The following CAPN8 variants were observed in gnomAD, a reference collection of about 807,000 sequenced individuals.
CAPN8 encodes calpain 8, also known as calpain-8.
In CAPN8, 87 loss-of-function variants were observed where a neutral mutation model predicts 80.9. The observed-to-expected ratio is 1.07, with a 90% confidence interval of 0.90 to 1.28. CAPN8 has a LOEUF of 1.28. Ranked by LOEUF, CAPN8 falls within the 50% of genes most tolerant of loss-of-function variation. The pLI is 0.00. For missense variants in CAPN8, 757 were observed against 702.0 expected (o/e 1.08, Z -0.89); for synonymous variants, 299 against 273.8 (o/e 1.09, Z -0.91).
chr1:223,609,528 CA>C (rs1656980938), intron 11 of CAPN8, among the ~76,000 whole-genome samples, 164 bp from the exon 12 acceptor site: 1 of 152,142 alleles, frequency 6.6e-6, no homozygotes, highest in African/African-American at 2.4e-5. Context: ...TGTCAATCAT[CA>C]AGTGTATTTT....
intron 10 of CAPN8, among the ~76,000 whole-genome samples, chr1:223,615,237 A>G (rs61825172): frequency 0.75 from 114,419 of 152,206 alleles, 43,975 homozygotes; most frequent in African/African-American, 0.92. Context: ...AATAAAATTG[A>G]TTTAAAAATG....
rs571307260 is a variant in CAPN8, at chr1:223,619,244, A to T, written c.1135+49T>A. On this transcript the variant is annotated intron_variant, in intron 9 of 20. Coordinates refer to ENST00000366872, the MANE Select transcript of CAPN8 (RefSeq NM_001143962.2). Reference sequence around the variant, plus strand: ...AAAATTACATAAAATGACCCAGCTCAGGGAGGATAAGCTGGAGGAGGTTGG... The same window carrying T: ...AAAATTACATAAAATGACCCAGCTCTGGGAGGATAAGCTGGAGGAGGTTGG... The T allele has an allele frequency of 1.6e-5, 24 of 1,545,166 alleles. 1 individual carries two copies. The South Asian group carries it at 2.8e-4, about 18-fold the overall frequency.
At chr1:223,619,250 G>A (rs1657301599) in intron 9 of CAPN8, 43 bp downstream of exon 9, 1 of 1,546,968 alleles carries the variant, frequency 6.5e-7, no homozygotes, top group South Asian at 1.2e-5. Flanking sequence ...GCTCAGGGAG[G>A]ATAAGCTGGA....
chr1:223,649,011 C>G (rs1014818750), intron 2 of CAPN8, among the ~76,000 whole-genome samples: 7 of 152,158 alleles, frequency 4.6e-5, no homozygotes, highest in Non-Finnish European at 8.8e-5. Flanking sequence ...TTGGATAAAC[C>G]TAGTAGCATG....
At chr1:223,622,951 CT>C in intron 6 of CAPN8, 51 bp from the exon 7 acceptor site, 1 of 1,426,724 alleles carries the variant, frequency 7.0e-7, no homozygotes, top group Non-Finnish European at 9.7e-7. Flanking sequence ...CTCCTGTTGC[CT>C]TGCAGGCATG....
chr1:223,648,585 G>A (rs963173209), intron 2 of CAPN8, among the ~76,000 whole-genome samples: 33 of 152,336 alleles, frequency 2.2e-4, no homozygotes, highest in African/African-American at 7.2e-4. Context: ...CGCTCCATGG[G>A]GGAGCGTGGA....
At chr1:223,634,633 G>C (rs1390374325) in intron 2 of CAPN8, among the ~76,000 whole-genome samples, 3 of 152,198 alleles carry the variant, frequency 2.0e-5, no homozygotes, top group Non-Finnish European at 4.4e-5. Flanking sequence ...CAGCAGAGTT[G>C]ATATGTGGCA....
chr1:223,662,973 GC>G lies in CAPN8; in HGVS notation c.237+2436del, dbSNP rs576748706. Reference sequence around the variant, plus strand: ...TATGTGAGCATGAGCCTGCCCAAAAGCAGCTGTGTGATAATTTTTCACTGAT... The same window carrying G: ...TATGTGAGCATGAGCCTGCCCAAAAGAGCTGTGTGATAATTTTTCACTGAT... On this transcript the variant is annotated intron_variant, in intron 1 of 20. Transcript: ENST00000366872. Among the ~76,000 whole-genome samples, 23 of 152,304 alleles carry G rather than the reference GC, an allele frequency of 1.5e-4. No individual in the cohort carries two copies. The South Asian group carries it at 4.8e-3, about 32-fold the overall frequency.
At chr1:223,661,756 G>T (rs1658652031) in intron 1 of CAPN8, among the ~76,000 whole-genome samples, 1 of 152,174 alleles carries the variant, frequency 6.6e-6, no homozygotes, top group Non-Finnish European at 1.5e-5. Context: ...CAGCACTGTG[G>T]TTCCTCAAAA....
chr1:223,641,227 A>G (rs980770195), intron 2 of CAPN8, among the ~76,000 whole-genome samples: 19 of 152,220 alleles, frequency 1.2e-4, no homozygotes, highest in Admixed American at 4.6e-4. Flanking sequence ...AAAGTCAACA[A>G]CTGATTCATT....
At chr1:223,626,937 C>T in intron 5 of CAPN8, 52 bp downstream of exon 5, 3 of 1,526,822 alleles carry the variant, frequency 2.0e-6, no homozygotes, top group Non-Finnish European at 2.7e-6. Context: ...CCCTACCACA[C>T]AAGGGGTGGC....
At chr1:223,651,169 C>T (rs577315667) in intron 2 of CAPN8, among the ~76,000 whole-genome samples, 31 of 152,206 alleles carry the variant, frequency 2.0e-4, no homozygotes, top group African/African-American at 5.5e-4. Flanking sequence ...ACTGAGAAGA[C>T]GGAGCAAGGA....
intron 2 of CAPN8, among the ~76,000 whole-genome samples, chr1:223,629,578 C>T (rs553884748): frequency 6.6e-6 from 1 of 152,320 alleles, no homozygotes; most frequent in South Asian, 2.1e-4. Flanking sequence ...GCAGTGTCAA[C>T]TTCAAAAGAA....
At chr1:223,628,926 T>G (rs1327261573) in intron 2 of CAPN8, 146 bp from the exon 3 acceptor site, 1 of 625,578 alleles carries the variant, frequency 1.6e-6, no homozygotes, top group Admixed American at 3.0e-5. Context: ...GTGCTGGAAA[T>G]GCACCCGCAG....
chr1:223,648,893 G>A (rs1658267256), intron 2 of CAPN8, among the ~76,000 whole-genome samples: 1 of 152,142 alleles, frequency 6.6e-6, no homozygotes, highest in South Asian at 2.1e-4. Context: ...GGGGAAGGCA[G>A]GAGACAGAGA....
intron 11 of CAPN8, 29 bp downstream of exon 11, chr1:223,612,217 G>C: frequency 8.1e-7 from 1 of 1,234,174 alleles, no homozygotes; most frequent in Non-Finnish European, 1.0e-6. Context: ...TCTCACCAAA[G>C]GAAGGAATCT....
chr1:223,635,064 T>C (rs1468289903), intron 2 of CAPN8, among the ~76,000 whole-genome samples: 1 of 152,234 alleles, frequency 6.6e-6, no homozygotes, highest in Non-Finnish European at 1.5e-5. Flanking sequence ...GCTGTGCTGA[T>C]TGCACATCTG....
intron 1 of CAPN8, among the ~76,000 whole-genome samples, chr1:223,655,376 T>C (rs1658459848): frequency 6.6e-6 from 1 of 152,202 alleles, no homozygotes; most frequent in African/African-American, 2.4e-5. Flanking sequence ...GCCCTGGTGC[T>C]CTGTTGGGGC....
chr1:223,625,853 G>A lies in CAPN8; in HGVS notation c.765C>T (p.Ser255=). 1 of 1,551,544 alleles carries A rather than the reference G, an allele frequency of 6.4e-7. No individual in the cohort carries two copies. Among genetic ancestry groups the A allele is most frequent in the Non-Finnish European group, 8.7e-7 (1 of 1,146,840 alleles). ...ACGCATGACTCTTAACCAGCTTCTG[G>A]CTGGTGATGGCTTCGGCTTCGGCTG... is the stretch of plus-strand genomic sequence containing the variant. The part of the protein sequence containing the change: ...SSAAEAEAIT[S]QKLVKSHAYS... The change falls in exon 6 of 21, where the codon AGC becomes AGT. Residue 255 remains serine (S), a synonymous_variant. Transcript: ENST00000366872.
Sources: gnomAD v4.1 joint callset for allele counts (sites outside exome capture counted in the v4.1 genomes callset) on GRCh38, gnomAD v4.1.1 for gene constraint, MANE v1.5 for transcripts, NCBI Gene and HGNC (gene_info 2026-07-23, HGNC 2026-07-21) for gene names.